The following CYP4V2 variants were observed in gnomAD, a reference collection of about 807,000 sequenced individuals.
CYP4V2 encodes the protein cytochrome P450 4V2.
CYP4V2 carries 55 observed loss-of-function variants against 60.8 expected under a neutral mutation model. That is an observed-to-expected ratio of 0.90 (90% CI 0.73 to 1.13). The LOEUF (loss-of-function observed/expected upper bound fraction) is 1.13. Among genes scored for constraint, CYP4V2 ranks in the 50% most tolerant of loss-of-function variants. The probability of loss-of-function intolerance (pLI) is 0.00; values close to 1 mark genes in which losing one functional copy is unlikely to be tolerated. For missense variants in CYP4V2, 675 were observed against 662.9 expected (o/e 1.02, Z -0.20); for synonymous variants, 239 against 236.8 (o/e 1.01, Z -0.08).
chr4:186,203,093 T>C (rs1402144425), intron 7 of CYP4V2: 1 of 152,158 alleles, frequency 6.6e-6, no homozygotes, highest in Non-Finnish European at 1.5e-5. Flanking sequence ...TGCACACAGC[T>C]ATGTACACTC....
At chr4:186,209,331 C>T (rs1736637173) in intron 10 of CYP4V2, 59 bp downstream of exon 10, 2 of 1,597,890 alleles carry the variant, frequency 1.3e-6, no homozygotes, top group Non-Finnish European at 1.7e-6. Context: ...GGGTTTCTCA[C>T]AGTGATTTCT....
Position 186,213,422 on chromosome 4 carries a change from G to T in CYP4V2, c.*2781G>T, listed in dbSNP as rs1736791401. 1 of 152,210 alleles carries T rather than the reference G, an allele frequency of 6.6e-6. No homozygotes were observed. Among genetic ancestry groups the T allele is most frequent in the Admixed American group, 6.5e-5 (1 of 15,278 alleles). The allele number at this position is 152,210 out of a possible 1,614,324, so 9.4% of individuals were successfully genotyped here. A position where few individuals can be genotyped will look rare whatever the true frequency, so the allele number is the denominator to read the frequency against. On this transcript the variant is annotated 3_prime_UTR_variant, in exon 11 of 11. Coordinates refer to ENST00000378802, the MANE Select transcript of CYP4V2 (RefSeq NM_207352.4). ...GTAAAAGATAAATCAGGAGATGGCT[G>T]ATTCATAATGGGTAATAAAATAAAT...
intron 3 of CYP4V2, 87 bp from the exon 4 acceptor site, chr4:186,196,853 A>G: frequency 4.3e-6 from 6 of 1,383,050 alleles, no homozygotes; most frequent in Non-Finnish European, 6.0e-6. Context: ...TGCTATATTT[A>G]TGCTTTAATC....
At chr4:186,194,636 G>C in intron 2 of CYP4V2, 24 bp downstream of exon 2, 3 of 1,559,776 alleles carry the variant, frequency 1.9e-6, no homozygotes, top group Non-Finnish European at 2.7e-6. Flanking sequence ...AATATGATCA[G>C]TATTGTACTG....
intron 4 of CYP4V2, 92 bp downstream of exon 4, chr4:186,197,222 G>C (rs1419306242): frequency 6.9e-6 from 10 of 1,459,108 alleles, no homozygotes; most frequent in Non-Finnish European, 9.5e-6. Flanking sequence ...CAAATGGGGG[G>C]ACGGGAAAGG....
chr4:186,197,368 G>C lies in CYP4V2; in HGVS notation c.605-165G>C, dbSNP rs192079002. On this transcript the variant is annotated intron_variant, in intron 4 of 10. Transcript: ENST00000378802. The stretch of plus-strand genomic sequence containing the variant: ...AGGGAAGGAAGAACAGGAACAGGGA[G>C]TAGAAGTGGACCGTACAAGAGAAGA... 4,820 of 863,858 alleles carry C rather than the reference G, an allele frequency of 5.6e-3. 21 individuals are homozygous for C. Among genetic ancestry groups the C allele is most frequent in the Middle Eastern group, 0.011 (51 of 4,600 alleles). The allele number at this position is 863,858 out of a possible 1,614,324, so 53.5% of individuals were successfully genotyped here.
intron 8 of CYP4V2, among the ~76,000 whole-genome samples, chr4:186,207,011 G>C (rs1341466792): frequency 6.6e-6 from 1 of 152,124 alleles, no homozygotes; most frequent in Non-Finnish European, 1.5e-5. Context: ...CCTGCAGAAT[G>C]AGTGACACAG....
intron 7 of CYP4V2, chr4:186,202,939 C>T (rs1453755496): frequency 6.6e-6 from 1 of 152,118 alleles, no homozygotes. Context: ...CATGCATACA[C>T]ATACATGCAC....
In CYP4V2 at chr4:186,209,221, C is replaced by T. The variant is rs373329783; in HGVS notation, c.1354C>T (p.Arg452Cys). 4.8e-5 allele frequency: 78 copies of T among 1,613,968 alleles called. No individual in the cohort carries two copies. Among genetic ancestry groups the T allele is most frequent in the East Asian group, 3.1e-4 (14 of 44,872 alleles). ...GTTCTTCCCCGAGAATGCACAAGGG[C>T]GCCATCCATATGCCTACGTGCCCTT... ...ERFFPENAQG[R>C]HPYAYVPFSA... The change falls in exon 10 of 11, where the codon CGC becomes TGC. Residue 452 changes from arginine (R) to cysteine (C), a missense_variant. Transcript: ENST00000378802.
chr4:186,198,977 G>T lies in CYP4V2; in HGVS notation c.695G>T (p.Arg232Leu). The change falls in exon 6 of 11, where the codon CGA becomes CTA. Residue 232 changes from arginine (R) to leucine (L), a missense_variant. Coordinates refer to ENST00000378802, the MANE Select transcript of CYP4V2 (RefSeq NM_207352.4). ...AVYRMSEMIF[R>L]RIKMPWLWLD... Reference sequence around the variant, plus strand: ...TATAGAATGAGTGAGATGATATTTCGAAGAATAAAGATGCCCTGGCTTTGG... The same window carrying T: ...TATAGAATGAGTGAGATGATATTTCTAAGAATAAAGATGCCCTGGCTTTGG... The T allele has an allele frequency of 6.2e-7, 1 of 1,614,010 alleles. No individual in the cohort carries two copies.
rs769889526 is a variant in CYP4V2, at chr4:186,209,117, C to T, written c.1250C>T (p.Thr417Ile). The change falls in exon 10 of 11, where the codon ACT becomes ATT. Residue 417 changes from threonine (T) to isoleucine (I), a missense_variant. By Grantham distance (89) the Thr-to-Ile change is moderately conservative. Coordinates refer to ENST00000378802, the MANE Select transcript of CYP4V2 (RefSeq NM_207352.4). Reference sequence around the variant, plus strand: ...GCAGGTTACAGAGTTCTAAAAGGCACTGAAGCCGTCATCATTCCCTATGCA... The same window carrying T: ...GCAGGTTACAGAGTTCTAAAAGGCATTGAAGCCGTCATCATTCCCTATGCA... ...EVAGYRVLKG[T>I]EAVIIPYALH... The T allele has an allele frequency of 1.6e-5, 26 of 1,614,054 alleles. No homozygotes were observed. Among genetic ancestry groups the T allele is most frequent in the Non-Finnish European group, 2.1e-5 (25 of 1,180,044 alleles).
rs892539079 is a variant in CYP4V2, at chr4:186,213,397, G to A, written c.*2756G>A. ...ATATCAATTCAAAACATAGAAAACTGTAAAAGATAAATCAGGAGATGGCTG... is the reference window on the plus strand; with the variant it reads ...ATATCAATTCAAAACATAGAAAACTATAAAAGATAAATCAGGAGATGGCTG... On this transcript the variant is annotated 3_prime_UTR_variant, in exon 11 of 11. Coordinates refer to ENST00000378802, the MANE Select transcript of CYP4V2 (RefSeq NM_207352.4). 1.3e-5 allele frequency: 2 copies of A among 152,186 alleles called. No homozygotes were observed. Among genetic ancestry groups the A allele is most frequent in the African/African-American group, 2.4e-5 (1 of 41,446 alleles). The allele number at this position is 152,186 out of a possible 1,614,324, so 9.4% of individuals were successfully genotyped here. A position where few individuals can be genotyped will look rare whatever the true frequency, so the allele number is the denominator to read the frequency against.
chr4:186,207,872 A>G (rs970446605), intron 8 of CYP4V2, among the ~76,000 whole-genome samples: 2 of 152,126 alleles, frequency 1.3e-5, no homozygotes, highest in South Asian at 2.1e-4. Flanking sequence ...AGTACTTCCT[A>G]TATATGGATT....
At chr4:186,207,837 T>A (rs962188976) in intron 8 of CYP4V2, among the ~76,000 whole-genome samples, 3 of 152,228 alleles carry the variant, frequency 2.0e-5, no homozygotes, top group Non-Finnish European at 1.5e-5. Context: ...ATTTACTTTC[T>A]GTCTCTCTGG....
chr4:186,201,019 A>G (rs893789342), intron 6 of CYP4V2, 138 bp from the exon 7 acceptor site: 2 of 862,156 alleles, frequency 2.3e-6, no homozygotes, highest in Non-Finnish European at 3.6e-6. Context: ...TATTTTCACA[A>G]GAGCCTATGT....
chr4:186,196,603 G>T, intron 3 of CYP4V2: 1 of 314,624 alleles, frequency 3.2e-6, no homozygotes, highest in Non-Finnish European at 5.9e-6. Flanking sequence ...TGAGGACTGA[G>T]GTATTGATGG....
intron 4 of CYP4V2, 186 bp from the exon 5 acceptor site, chr4:186,197,347 A>G (rs1369505677): frequency 8.3e-6 from 7 of 844,918 alleles, no homozygotes; most frequent in Non-Finnish European, 1.3e-5. Context: ...AGGCGAAGGG[A>G]AGGAAGAACA....
Position 186,195,885 on chromosome 4 carries a change from A to G in CYP4V2, c.328-118A>G. 2.7e-6 allele frequency: 2 copies of G among 748,834 alleles called. No homozygotes were observed. Among genetic ancestry groups the G allele is most frequent in the Admixed American group, 4.1e-5 (2 of 48,826 alleles). 46.4% of individuals were successfully genotyped at this position (748,834 alleles called of 1,614,324 possible). On this transcript the variant is annotated intron_variant, in intron 2 of 10. Transcript: ENST00000378802. This position sits in a 1 kb window ranked among gnomAD's most constrained non-coding sequence, Gnocchi z 4.1. Reference sequence around the variant, plus strand: ...GCACAGGACTGAAAATGAACGACGGAGAAAATAAATGTTGTGAATGCCCTA... The same window carrying G: ...GCACAGGACTGAAAATGAACGACGGGGAAAATAAATGTTGTGAATGCCCTA...
At chr4:186,206,488 A>G (rs137862071) in intron 8 of CYP4V2, among the ~76,000 whole-genome samples, 1 of 152,320 alleles carries the variant, frequency 6.6e-6, no homozygotes. Context: ...GGCCCCCAAT[A>G]GCTGCAAGGT....
Sources: gnomAD v4.1 joint callset for allele counts (sites outside exome capture counted in the v4.1 genomes callset) on GRCh38, gnomAD v4.1.1 for gene constraint, Gnocchi (gnomAD v3.1) non-coding constraint, MANE v1.5 for transcripts, NCBI Gene and HGNC (gene_info 2026-07-23, HGNC 2026-07-21) for gene names.